Variants in SMARCD3 observed in about 807,000 individuals in gnomAD.
SMARCD3 encodes SWI/SNF related BAF chromatin remodeling complex subunit D3, also known as SWI/SNF-related matrix-associated actin-dependent regulator of chromatin subfamily D member 3.
SMARCD3 carries 14 observed loss-of-function variants against 58.0 expected under a neutral mutation model. The ratio of observed to expected loss-of-function variants is 0.24; its 90% CI spans 0.16 to 0.38. SMARCD3 has a LOEUF of 0.38. Among genes scored for constraint, SMARCD3 ranks in the 10% least tolerant of loss-of-function variants. The pLI, the probability that SMARCD3 is intolerant of heterozygous loss-of-function variation, is 1.00. For synonymous variants in SMARCD3, 253 were observed against 253.8 expected, an observed-to-expected ratio of 1.00 and a Z score of 0.03; for missense variants, 408 against 636.9, an observed-to-expected ratio of 0.64 and a Z score of 3.87.
chr7:151,275,152 T>C (rs2150620544), exon 2 of SMARCD3: 3 of 1,612,042 alleles, frequency 1.9e-6, no homozygotes, highest in Non-Finnish European at 2.5e-6. Flanking sequence ...CCTGGAGTCA[T>C]AGATGGCAGG....
chr7:151,256,708 C>T (rs1803711055), intron 2 of SMARCD3, among the ~76,000 whole-genome samples: 1 of 152,154 alleles, frequency 6.6e-6, no homozygotes, highest in Admixed American at 6.6e-5. Context: ...GCTTCTCCCT[C>T]CTCTGACTTC....
At chr7:151,255,328 G>A (rs927870053) in intron 2 of SMARCD3, among the ~76,000 whole-genome samples, 1 of 152,172 alleles carries the variant, frequency 6.6e-6, no homozygotes, top group African/African-American at 2.4e-5. Flanking sequence ...CCTTCCAGAA[G>A]CAGATGCCAG....
chr7:151,261,430 T>G (rs1022951523), intron 2 of SMARCD3, among the ~76,000 whole-genome samples: 2 of 152,198 alleles, frequency 1.3e-5, no homozygotes, highest in Non-Finnish European at 2.9e-5. Context: ...ACCCAGCCAC[T>G]GAGTGACCAT....
At chr7:151,244,617 C>G (rs766278860) in intron 2 of SMARCD3, among the ~76,000 whole-genome samples, 2 of 152,158 alleles carry the variant, frequency 1.3e-5, no homozygotes, top group Non-Finnish European at 2.9e-5. Context: ...CAAGATAAAT[C>G]AGGGAATTAC....
chr7:151,265,895 C>T (rs1386965897), intron 2 of SMARCD3, among the ~76,000 whole-genome samples: 1 of 152,216 alleles, frequency 6.6e-6, no homozygotes, highest in Non-Finnish European at 1.5e-5. Flanking sequence ...ATTAATTTAT[C>T]ACTCTTTGGT....
chr7:151,252,477 GGA>G (rs1266900834), upstream of SMARCD3, among the ~76,000 whole-genome samples: 2 of 151,900 alleles, frequency 1.3e-5, no homozygotes, highest in African/African-American at 2.4e-5. Flanking sequence ...GAGAGGAGAG[GGA>G]GAGAGAGAAA....
At chr7:151,251,518 G>A (rs1296950024), upstream of SMARCD3, among the ~76,000 whole-genome samples, 3 of 152,194 alleles carry the variant, frequency 2.0e-5, no homozygotes, top group Non-Finnish European at 4.4e-5. Flanking sequence ...CGGCGCCAGT[G>A]TGGGGGCCCG....
At chr7:151,257,627 G>A (rs1803743792) in intron 2 of SMARCD3, among the ~76,000 whole-genome samples, 1 of 152,126 alleles carries the variant, frequency 6.6e-6, no homozygotes, top group Non-Finnish European at 1.5e-5. Context: ...ACCCGGCAAA[G>A]TCATAACACT....
At chr7:151,269,361 G>C (rs931112978) in intron 2 of SMARCD3, among the ~76,000 whole-genome samples, 3 of 152,222 alleles carry the variant, frequency 2.0e-5, no homozygotes, top group African/African-American at 7.2e-5. Flanking sequence ...CGAGTCCCCT[G>C]CTGTGGATTC....
At chr7:151,247,703 C>A (rs1008342285) in intron 1 of SMARCD3, among the ~76,000 whole-genome samples, 65 of 136,062 alleles carry the variant, frequency 4.8e-4, no homozygotes, top group African/African-American at 1.5e-3. Context: ...CCCTCCATAC[C>A]CCTCCCAGCC....
At chr7:151,247,392 C>T (rs558833724) in intron 1 of SMARCD3, among the ~76,000 whole-genome samples, 2 of 152,178 alleles carry the variant, frequency 1.3e-5, no homozygotes, top group South Asian at 2.1e-4. Context: ...ACAGGCCACT[C>T]CAGGGAGTCC....
In SMARCD3 at chr7:151,248,433, T is replaced by G; in HGVS notation, c.78+52A>C. On this transcript the variant is annotated intron_variant, in intron 1 of 12. Transcript: ENST00000262188. This position sits in a 1 kb window ranked among gnomAD's most constrained non-coding sequence, Gnocchi z 6.1. ...CCGGCCCCTCCCGATCAGCCCTCCATTCAGCCCGAGCCAGCTCGCTTGCCC... is the reference window on the plus strand; with the variant it reads ...CCGGCCCCTCCCGATCAGCCCTCCAGTCAGCCCGAGCCAGCTCGCTTGCCC... The G allele has an allele frequency of 2.1e-6, 3 of 1,461,714 alleles. No homozygotes were observed. Among genetic ancestry groups the G allele is most frequent in the Non-Finnish European group, 2.9e-6 (3 of 1,049,660 alleles). The allele number at this position is 1,461,714 out of a possible 1,614,324, so 90.5% of individuals were successfully genotyped here.
Position 151,248,161 on chromosome 7 carries a change from C to T in SMARCD3, c.78+324G>A, listed in dbSNP as rs1345664473. 6.6e-6 allele frequency among the ~76,000 whole-genome samples: 1 copy of T among 151,936 alleles called. No homozygotes were observed. The highest frequency in any genetic ancestry group is 2.4e-5 in the African/African-American group (1 of 41,392). ...CCAGGGCAGGGGCAACACCTGGGCC[C>T]ACAAGGAAAAGAACGAAAGTCAACC... is the stretch of plus-strand genomic sequence containing the variant. On this transcript the variant is annotated intron_variant, in intron 1 of 12. Coordinates refer to ENST00000262188, the MANE Select transcript of SMARCD3 (RefSeq NM_001003801.2). This position sits in a 1 kb window ranked among gnomAD's most constrained non-coding sequence, Gnocchi z 6.1.
rs1346915766 is a variant in SMARCD3, at chr7:151,242,398, C to T, written c.579+83G>A. ...ACCCAGCCTGGGCTGACTCCCTAGCCCTTAGTGCAGACACCTTGTTCTGTT... is the reference window on the plus strand; with the variant it reads ...ACCCAGCCTGGGCTGACTCCCTAGCTCTTAGTGCAGACACCTTGTTCTGTT... On this transcript the variant is annotated intron_variant, in intron 5 of 12. Coordinates refer to ENST00000262188, the MANE Select transcript of SMARCD3 (RefSeq NM_001003801.2). This position sits in a 1 kb window ranked among gnomAD's most constrained non-coding sequence, Gnocchi z 4.7. 12 of 1,570,428 alleles carry T rather than the reference C, an allele frequency of 7.6e-6. No individual in the cohort carries two copies. The highest frequency in any genetic ancestry group is 4.5e-5 in the South Asian group (4 of 89,696).
In SMARCD3 at chr7:151,242,403, G is replaced by T; in HGVS notation, c.579+78C>A. On this transcript the variant is annotated intron_variant, in intron 5 of 12. Transcript: ENST00000262188. The surrounding 1 kb of genome is among the most constrained non-coding windows in gnomAD (Gnocchi z 4.7). ...GCCTGGGCTGACTCCCTAGCCCTTA[G>T]TGCAGACACCTTGTTCTGTTCTCAG... The T allele has an allele frequency of 6.3e-7, 1 of 1,580,178 alleles. No individual in the cohort carries two copies. Among genetic ancestry groups the T allele is most frequent in the Non-Finnish European group, 8.6e-7 (1 of 1,156,516 alleles).
chr7:151,242,446 CCAGG>C lies in SMARCD3; in HGVS notation c.579+31_579+34del. On this transcript the variant is annotated intron_variant, in intron 5 of 12. Transcript: ENST00000262188. This position sits in a 1 kb window ranked among gnomAD's most constrained non-coding sequence, Gnocchi z 4.7. Reference sequence around the variant, plus strand: ...GTTCTCAGTGCAGCCCATGCCCACCCCAGGACACCTGGAGAGACCTGGGCCGGGA... The same window carrying C: ...GTTCTCAGTGCAGCCCATGCCCACCCACACCTGGAGAGACCTGGGCCGGGA... 2 of 1,607,360 alleles carry C rather than the reference CCAGG, an allele frequency of 1.2e-6. No individual in the cohort carries two copies. Among genetic ancestry groups the C allele is most frequent in the Non-Finnish European group, 1.7e-6 (2 of 1,177,470 alleles).
intron 2 of SMARCD3, among the ~76,000 whole-genome samples, chr7:151,269,955 G>C (rs1795119672): frequency 6.6e-6 from 1 of 152,222 alleles, no homozygotes; most frequent in African/African-American, 2.4e-5. Context: ...GTGGCTCCAA[G>C]TGTGGGCCAT....
upstream of SMARCD3, chr7:151,277,047 C>T (rs1289296667): frequency 3.3e-5 from 5 of 149,330 alleles, no homozygotes; most frequent in African/African-American, 1.2e-4. Context: ...CGCCAAGGGC[C>T]GTGGGGGCCG....
chr7:151,264,058 A>ATTTTTT (rs780437491), intron 2 of SMARCD3, among the ~76,000 whole-genome samples: 2 of 135,516 alleles, frequency 1.5e-5, no homozygotes, highest in African/African-American at 5.7e-5. Context: ...TGAAGACAGG[A>ATTTTTT]TTTTTTTTTT....
Sources: allele counts gnomAD v4.1 joint callset (sites outside exome capture counted in the v4.1 genomes callset), GRCh38; gene constraint gnomAD v4.1.1; non-coding constraint Gnocchi (gnomAD v3.1); transcripts MANE v1.5; gene names NCBI Gene and HGNC (gene_info 2026-07-23, HGNC 2026-07-21).